Variants in PMS2 observed in about 807,000 individuals in gnomAD.
The protein encoded by PMS2 is PMS1 homolog 2, mismatch repair system component, also known as mismatch repair endonuclease PMS2.
A neutral mutation model predicts 90.0 loss-of-function variants in PMS2; 69 were observed. The observed-to-expected ratio is 0.77, with a 90% confidence interval of 0.63 to 0.94. The LOEUF is 0.94. PMS2 is among the 40% of genes least tolerant of loss of function. The probability of loss-of-function intolerance (pLI) is 0.00; values close to 1 mark genes in which losing one functional copy is unlikely to be tolerated. For missense variants in PMS2, 966 were observed against 1,040.2 expected, an observed-to-expected ratio of 0.93 and a Z score of 0.98; for synonymous variants, 332 against 375.1, an observed-to-expected ratio of 0.89 and a Z score of 1.33.
At chr7:5,996,382 C>T (rs1029221085) in intron 7 of PMS2, among the ~76,000 whole-genome samples, 1 of 151,768 alleles carries the variant, frequency 6.6e-6, no homozygotes, top group African/African-American at 2.4e-5. Context: ...GGCGAAACCC[C>T]GTCTCCACTA....
chr7:5,997,952 A>G (rs979401236), intron 6 of PMS2, among the ~76,000 whole-genome samples: 1 of 152,042 alleles, frequency 6.6e-6, no homozygotes, highest in Non-Finnish European at 1.5e-5. Context: ...GAACCCACAC[A>G]TTGCCCACAA....
At chr7:5,993,387 A>AAG (rs1554299895) in intron 8 of PMS2, among the ~76,000 whole-genome samples, 92 of 125,874 alleles carry the variant, frequency 7.3e-4, no homozygotes, top group African/African-American at 2.3e-3. Flanking sequence ...AAAAAAAAAA[A>AAG]AAAGAAAGAA....
In PMS2 at chr7:5,987,230, C is replaced by A. The variant is rs1450081432; in HGVS notation, c.1535G>T (p.Gly512Val). The change falls in exon 11 of 15, where the codon GGC (glycine) becomes GTC (valine). Residue 512 changes from glycine (G) to valine (V), a missense_variant. Physicochemically the swap from Gly to Val is moderately radical, Grantham distance 109. Transcript: ENST00000265849. Reference protein sequence around the residue: ...DSEGFSIPDTGSHCSSEYAAS... With the variant: ...DSEGFSIPDTVSHCSSEYAAS... ...CGCATACTCGCTGCTGCAGTGACTG[C>A]CCGTGTCTGGGATGCTGAACCCCTC... The A allele has an allele frequency of 4.3e-6, 7 of 1,614,086 alleles. No homozygotes were observed. The highest frequency in any genetic ancestry group is 5.9e-6 in the Non-Finnish European group (7 of 1,180,028).
intron 11 of PMS2, among the ~76,000 whole-genome samples, chr7:5,984,937 G>C (rs1782696192): frequency 6.6e-6 from 1 of 151,858 alleles, no homozygotes; most frequent in Admixed American, 6.6e-5. Context: ...GGATTACTGA[G>C]CCCACATTTC....
chr7:6,003,344 A>G (rs1193136357), intron 4 of PMS2: 1 of 153,538 alleles, frequency 6.5e-6, no homozygotes, highest in Non-Finnish European at 1.4e-5. Context: ...TAAAAATTTC[A>G]TATCTGTGCT....
chr7:5,998,888 G>A (rs1274275759), intron 6 of PMS2, among the ~76,000 whole-genome samples: 4 of 151,812 alleles, frequency 2.6e-5, no homozygotes, highest in African/African-American at 9.7e-5. Context: ...TACTCGGGAG[G>A]CTGAGGCAGG....
intron 8 of PMS2, among the ~76,000 whole-genome samples, chr7:5,994,818 T>G (rs1035110419): frequency 6.6e-6 from 1 of 151,732 alleles, no homozygotes; most frequent in African/African-American, 2.4e-5. Flanking sequence ...ATGTCAAAAA[T>G]GCCTTTGTGA....
At chr7:5,993,370 C>CAAAAAAAAAAAAAAAAAAA (rs141290969) in intron 8 of PMS2, among the ~76,000 whole-genome samples, 1 of 72,974 alleles carries the variant, frequency 1.4e-5, no homozygotes, top group Non-Finnish European at 2.4e-5. Flanking sequence ...GACTCCGTCT[C>CAAAAAAAAAAAAAAAAAAA]AAAAAAAAAA....
chr7:6,005,361 G>C lies in PMS2; in HGVS notation c.163+531C>G, dbSNP rs544895333. 1.2e-4 allele frequency among the ~76,000 whole-genome samples: 18 copies of C among 152,076 alleles called. No homozygotes were observed. The East Asian group carries it at 2.9e-3, about 24-fold the overall frequency. On this transcript the variant is annotated intron_variant, in intron 2 of 14. Transcript: ENST00000265849. ...CTGGGATTACAGGCTTCTGCCACCAGGTCCAGCTAATTTTTGTATTTTTAG... is the reference window on the plus strand; with the variant it reads ...CTGGGATTACAGGCTTCTGCCACCACGTCCAGCTAATTTTTGTATTTTTAG...
At position 5,995,646 on chromosome 7, in the gene PMS2, A is replaced by C. The variant is rs1562664935; in HGVS notation, c.804-13T>G. The C allele has an allele frequency of 1.3e-6, 2 of 1,559,896 alleles. No homozygotes were observed. Among genetic ancestry groups the C allele is most frequent in the Non-Finnish European group, 1.8e-6 (2 of 1,130,366 alleles). ...GAAACCTGAGATGCTATTCAACATT[A>C]ATATGGTAAGGGCAGGATTCCAGAG... On this transcript the variant is annotated splice_polypyrimidine_tract_variant and intron_variant, in intron 7 of 14. Coordinates refer to ENST00000265849, the MANE Select transcript of PMS2 (RefSeq NM_000535.7).
chr7:6,006,014 G>T lies in PMS2; in HGVS notation c.41C>A (p.Ala14Asp), dbSNP rs750524554. The change falls in exon 2 of 15, where the codon GCC becomes GAC. Residue 14 changes from alanine to aspartate, a missense_variant. Transcript: ENST00000265849. ...TGACTTCCGATCAATAGGTTTGATG[G>T]CCTTAGCAGGTTCTGTACTAGAGAA... ...AESSSTEPAKAIKPIDRKSVH... is the reference protein window; with the variant it reads ...AESSSTEPAKDIKPIDRKSVH... The T allele has an allele frequency of 6.2e-7, 1 of 1,610,666 alleles. No homozygotes were observed.
intron 11 of PMS2, among the ~76,000 whole-genome samples, chr7:5,983,568 C>T (rs533515602): frequency 2.0e-5 from 3 of 151,810 alleles, no homozygotes; most frequent in South Asian, 4.1e-4. Flanking sequence ...AAAATGGAAT[C>T]TTAATTCTCC....
rs2215326 is a variant in PMS2 at position 5,981,719 on chromosome 7, G to A, written c.2174+1105C>T. Among the ~76,000 whole-genome samples the A allele has an allele frequency of 3.3e-5, 5 of 151,694 alleles. No homozygotes were observed. Among genetic ancestry groups the A allele is most frequent in the East Asian group, 1.9e-4 (1 of 5,186 alleles). ...ACCAGTGATCAACATTTTTAATAGC[G>A]AAAAATACCTGATACTTAGAGAACA... On this transcript the variant is annotated intron_variant, in intron 12 of 14. Transcript: ENST00000265849.
Position 5,993,807 on chromosome 7 carries a change from G to A in PMS2, c.903+1727C>T, listed in dbSNP as rs904130932. Among the ~76,000 whole-genome samples the A allele has an allele frequency of 2.3e-5, 3 of 131,520 alleles. 1 individual carries two copies. The Admixed American group carries it at 2.8e-4, about 12-fold the overall frequency. 86.3% of individuals were successfully genotyped at this position (131,520 alleles called of 152,430 possible). Reference sequence around the variant, plus strand: ...ACCTGGGAGGCGGTGCTTGCAGTGAGCAGAGATCATGCCACTGCACTCCAG... The same window carrying A: ...ACCTGGGAGGCGGTGCTTGCAGTGAACAGAGATCATGCCACTGCACTCCAG... On this transcript the variant is annotated intron_variant, in intron 8 of 14. Coordinates refer to ENST00000265849, the MANE Select transcript of PMS2 (RefSeq NM_000535.7).
At chr7:5,977,245 C>T (rs1311058957) in intron 14 of PMS2, among the ~76,000 whole-genome samples, 3 of 144,894 alleles carry the variant, frequency 2.1e-5, no homozygotes, top group East Asian at 2.2e-4. Context: ...TTAGTAGAGA[C>T]GGGCTTTCAC....
rs533806031 is a variant in PMS2 at position 5,998,359 on chromosome 7, C to T, written c.705+749G>A. ...CCTCCCAAAGTGCTGGGATTACAGA[C>T]GTGAGCCACTGCGCCGGGCCTTGTG... On this transcript the variant is annotated intron_variant, in intron 6 of 14. Transcript: ENST00000265849. Among the ~76,000 whole-genome samples the T allele has an allele frequency of 6.6e-4, 98 of 148,470 alleles. 1 individual carries two copies. The highest frequency in any genetic ancestry group is 2.3e-3 in the African/African-American group (95 of 40,750).
At chr7:5,999,416 A>G in intron 5 of PMS2, 141 bp from the exon 6 acceptor site, 1 of 795,892 alleles carries the variant, frequency 1.3e-6, no homozygotes, top group Non-Finnish European at 2.1e-6. Context: ...TGATCTGTAA[A>G]GAGGTGTCTT....
At chr7:6,000,013 A>G (rs945366779) in intron 5 of PMS2, among the ~76,000 whole-genome samples, 2 of 152,156 alleles carry the variant, frequency 1.3e-5, no homozygotes, top group Non-Finnish European at 2.9e-5. Flanking sequence ...GCCATAGCGC[A>G]GCAGAATGAC....
At chr7:5,991,634 T>A (rs1319266716) in intron 9 of PMS2, among the ~76,000 whole-genome samples, 2 of 151,280 alleles carry the variant, frequency 1.3e-5, no homozygotes, top group Non-Finnish European at 2.9e-5. Flanking sequence ...GGTCAGGAGA[T>A]CGAGACCATC....
Sources: gnomAD v4.1 joint callset for allele counts (sites outside exome capture counted in the v4.1 genomes callset) on GRCh38, gnomAD v4.1.1 for gene constraint, MANE v1.5 for transcripts, NCBI Gene and HGNC (gene_info 2026-07-23, HGNC 2026-07-21) for gene names.